The following PARD3B variants were observed in gnomAD, a reference collection of about 807,000 sequenced individuals.
PARD3B encodes the protein partitioning defective 3 homolog B.
In PARD3B, 103 loss-of-function variants were observed where a neutral mutation model predicts 130.2. The ratio of observed to expected loss-of-function variants is 0.79; its 90% CI spans 0.67 to 0.93. The LOEUF (loss-of-function observed/expected upper bound fraction) is 0.93. PARD3B is among the 40% of genes least tolerant of loss of function. PARD3B has a pLI of 0.00. For missense variants in PARD3B, 1,609 were observed against 1,499.2 expected, an observed-to-expected ratio of 1.07 and a Z score of -1.21; for synonymous variants, 583 against 553.2, an observed-to-expected ratio of 1.05 and a Z score of -0.76.
chr2:205,493,351 G>A (rs1033837956), intron 20 of PARD3B, among the ~76,000 whole-genome samples: 2 of 152,196 alleles, frequency 1.3e-5, no homozygotes, highest in South Asian at 2.1e-4. Flanking sequence ...AAGAAGTCAG[G>A]AAAATAATAG....
chr2:205,018,722 C>CAAAAAAAAAAAAAAAAAAAAAAAA (rs5837948), intron 3 of PARD3B, among the ~76,000 whole-genome samples: 1 of 43,150 alleles, frequency 2.3e-5, no homozygotes, highest in Non-Finnish European at 3.9e-5. Flanking sequence ...GCAGTATAAG[C>CAAAAAAAAAAAAAAAAAAAAAAAA]AAAAAAAAAA....
At chr2:204,781,030 GT>G (rs1440358121) in intron 2 of PARD3B, among the ~76,000 whole-genome samples, 1 of 152,160 alleles carries the variant, frequency 6.6e-6, no homozygotes, top group Non-Finnish European at 1.5e-5. Flanking sequence ...AACAGGTAAA[GT>G]CCCCTTTGGA....
rs1441044940 is a variant in PARD3B at position 204,606,482 on chromosome 2, G to A, written c.120+60363G>A. The stretch of plus-strand genomic sequence containing the variant: ...TGATCCAGAAGCATAGAAAAGAGAA[G>A]TAGAAATAAATGCACTGACTTTTAA... On this transcript the variant is annotated intron_variant, in intron 1 of 22. Coordinates refer to ENST00000406610, the MANE Select transcript of PARD3B (RefSeq NM_001302769.2). The surrounding 1 kb of genome is among the most constrained non-coding windows in gnomAD (Gnocchi z 4.0). Among the ~76,000 whole-genome samples the A allele has an allele frequency of 6.6e-6, 1 of 152,170 alleles. No homozygotes were observed. Among genetic ancestry groups the A allele is most frequent in the African/African-American group, 2.4e-5 (1 of 41,446 alleles).
intron 15 of PARD3B, among the ~76,000 whole-genome samples, chr2:205,228,056 A>G (rs891707566): frequency 2.6e-5 from 4 of 152,142 alleles, no homozygotes; most frequent in African/African-American, 7.2e-5. Flanking sequence ...TGTACTGTGT[A>G]TGTCTTAAAA....
intron 10 of PARD3B, among the ~76,000 whole-genome samples, chr2:205,149,311 C>G (rs749583877): frequency 1.7e-4 from 26 of 152,174 alleles, no homozygotes; most frequent in Non-Finnish European, 3.4e-4. Context: ...CTCCTGACCT[C>G]AAGTCATCTC....
chr2:205,447,341 A>G (rs193029855), intron 20 of PARD3B, among the ~76,000 whole-genome samples: 37 of 152,210 alleles, frequency 2.4e-4, no homozygotes, highest in Admixed American at 2.1e-3. Flanking sequence ...GTCCTCAATA[A>G]ATATTTTTGG....
intron 15 of PARD3B, among the ~76,000 whole-genome samples, chr2:205,207,538 C>T (rs1303268178): frequency 1.4e-5 from 2 of 141,870 alleles, no homozygotes; most frequent in East Asian, 2.0e-4. Flanking sequence ...AAGGGGATAT[C>T]ACCACCGATC....
intron 4 of PARD3B, among the ~76,000 whole-genome samples, chr2:205,094,914 T>A (rs1011210890): frequency 6.6e-6 from 1 of 152,170 alleles, no homozygotes; most frequent in African/African-American, 2.4e-5. Context: ...CCCAACTTCC[T>A]TAAGTTTTTT....
At chr2:204,749,780 T>C (rs1023300750) in intron 2 of PARD3B, among the ~76,000 whole-genome samples, 2 of 152,196 alleles carry the variant, frequency 1.3e-5, no homozygotes, top group African/African-American at 4.8e-5. Context: ...CTGATAGTGG[T>C]AAAGGAAGTT....
chr2:205,480,068 A>G (rs2049173493), intron 20 of PARD3B, among the ~76,000 whole-genome samples: 1 of 151,812 alleles, frequency 6.6e-6, no homozygotes. Context: ...ATGCCCAGCT[A>G]ATTTTTTGTA....
rs1232932055 is a variant in PARD3B at position 205,281,822 on chromosome 2, AT to A, written c.2186-18704del. On this transcript the variant is annotated intron_variant, in intron 16 of 22. Coordinates refer to ENST00000406610, the MANE Select transcript of PARD3B (RefSeq NM_001302769.2). The surrounding 1 kb of genome is among the most constrained non-coding windows in gnomAD (Gnocchi z 4.2). ...CCATAAAAAAGAGGAAGAAAAAGAA[AT>A]TTTATACATGAGTTTACCCCTGAAA... is the stretch of plus-strand genomic sequence containing the variant. Among the ~76,000 whole-genome samples, 1 of 152,156 alleles carries A rather than the reference AT, an allele frequency of 6.6e-6. No homozygotes were observed. Among genetic ancestry groups the A allele is most frequent in the Non-Finnish European group, 1.5e-5 (1 of 68,032 alleles).
chr2:204,735,047 G>T (rs1261758060), intron 2 of PARD3B, among the ~76,000 whole-genome samples: 1 of 144,696 alleles, frequency 6.9e-6, no homozygotes, highest in Non-Finnish European at 1.5e-5. Context: ...TTATAGAATT[G>T]GCAAGATTTC....
chr2:204,766,261 T>C (rs530077117), intron 2 of PARD3B, among the ~76,000 whole-genome samples: 7 of 152,330 alleles, frequency 4.6e-5, no homozygotes, highest in Admixed American at 1.3e-4. Flanking sequence ...TGTTAAGTAG[T>C]ACTTAATACT....
intron 2 of PARD3B, among the ~76,000 whole-genome samples, chr2:204,874,118 G>A (rs138449994): frequency 4.5e-4 from 68 of 152,254 alleles, no homozygotes; most frequent in African/African-American, 1.6e-3. Flanking sequence ...ACTCCCGCCT[G>A]AGCGATGATC....
chr2:205,248,835 C>CTGACCT (rs2039698335), intron 16 of PARD3B, among the ~76,000 whole-genome samples: 1 of 151,602 alleles, frequency 6.6e-6, no homozygotes, highest in South Asian at 2.1e-4. Flanking sequence ...TTTCGATCTC[C>CTGACCT]TGACCTTGTG....
At chr2:205,552,502 G>T (rs866474822) in intron 21 of PARD3B, among the ~76,000 whole-genome samples, 1 of 152,068 alleles carries the variant, frequency 6.6e-6, no homozygotes, top group South Asian at 2.1e-4. Context: ...TCTGCCTCCC[G>T]GGTTCAAGTG....
intron 2 of PARD3B, among the ~76,000 whole-genome samples, chr2:204,729,267 A>G (rs903494699): frequency 6.6e-6 from 1 of 152,200 alleles, no homozygotes; most frequent in African/African-American, 2.4e-5. Flanking sequence ...TTCATTGCCA[A>G]ATCTTTTCTA....
chr2:204,545,987 G>T lies in PARD3B; in HGVS notation c.-13G>T, dbSNP rs540871914. ...CTGTTCGGCCCGGCCCGGCGTGGTC[G>T]CCGGGGGCCAGGATGAAAGTGACCG... On this transcript the variant is annotated 5_prime_UTR_variant, in exon 1 of 23. Transcript: ENST00000406610. 15 of 1,552,120 alleles carry T rather than the reference G, an allele frequency of 9.7e-6. No homozygotes were observed. In the East Asian group the frequency reaches 3.2e-4, roughly 33 times the overall value.
At chr2:204,659,934 C>G (rs181840905) in intron 1 of PARD3B, among the ~76,000 whole-genome samples, 5 of 152,238 alleles carry the variant, frequency 3.3e-5, no homozygotes, top group African/African-American at 1.2e-4. Flanking sequence ...TACAGTAATT[C>G]TAGCATTAAT....
Sources: gnomAD v4.1 joint callset for allele counts (sites outside exome capture counted in the v4.1 genomes callset) on GRCh38, gnomAD v4.1.1 for gene constraint, Gnocchi (gnomAD v3.1) non-coding constraint, MANE v1.5 for transcripts, NCBI Gene and HGNC (gene_info 2026-07-23, HGNC 2026-07-21) for gene names.